Variants in GRID2 observed in about 807,000 individuals in gnomAD.
GRID2 encodes the protein glutamate receptor ionotropic, delta-2.
In GRID2, 33 loss-of-function variants were observed where a neutral mutation model predicts 114.8. The observed-to-expected ratio is 0.29, with a 90% CI of 0.22 to 0.38. The LOEUF is 0.38. Ranked by LOEUF, GRID2 falls within the 10% of genes least tolerant of loss-of-function variation. The pLI, the probability that GRID2 is intolerant of heterozygous loss-of-function variation, is 1.00. For missense variants in GRID2, 1,184 were observed against 1,257.7 expected (o/e 0.94, Z 0.89); for synonymous variants, 505 against 449.9 (o/e 1.12, Z -1.55).
chr4:93,112,408 C>T (rs958792141), intron 4 of GRID2, among the ~76,000 whole-genome samples: 2 of 151,930 alleles, frequency 1.3e-5, no homozygotes, highest in Non-Finnish European at 2.9e-5. Context: ...GGGGCGGTTT[C>T]CCCCATGCTG....
chr4:93,366,072 T>A (rs1189612890), intron 8 of GRID2, among the ~76,000 whole-genome samples: 1 of 152,098 alleles, frequency 6.6e-6, no homozygotes, highest in Non-Finnish European at 1.5e-5. Flanking sequence ...TTGCATTAAC[T>A]GCACAAACTG....
intron 2 of GRID2, among the ~76,000 whole-genome samples, chr4:92,825,050 T>C (rs916073441): frequency 6.6e-6 from 1 of 152,120 alleles, no homozygotes; most frequent in African/African-American, 2.4e-5. Context: ...TAAAATTTTT[T>C]TTAAAAGTAC....
intron 9 of GRID2, among the ~76,000 whole-genome samples, chr4:93,416,137 T>C (rs1346066651): frequency 2.0e-5 from 3 of 152,152 alleles, no homozygotes; most frequent in East Asian, 3.9e-4. Flanking sequence ...GATTGTTTCT[T>C]CCTCTACTGC....
At chr4:93,242,334 T>C (rs538828295) in intron 8 of GRID2, among the ~76,000 whole-genome samples, 1 of 151,858 alleles carries the variant, frequency 6.6e-6, no homozygotes, top group African/African-American at 2.4e-5. Context: ...TTGGCTCACA[T>C]GAGGCTAGAG....
intron 2 of GRID2, among the ~76,000 whole-genome samples, chr4:92,614,339 TC>T (rs1729900726): frequency 6.6e-6 from 1 of 151,614 alleles, no homozygotes; most frequent in African/African-American, 2.4e-5. Context: ...GATATTTTTT[TC>T]TTTTCCAATA....
intron 2 of GRID2, among the ~76,000 whole-genome samples, chr4:92,947,573 A>T (rs540449313): frequency 6.6e-6 from 1 of 152,016 alleles, no homozygotes; most frequent in Admixed American, 6.6e-5. Flanking sequence ...ACTATATCTT[A>T]TGCTTTAACT....
At chr4:92,846,796 A>G (rs1242970808) in intron 2 of GRID2, among the ~76,000 whole-genome samples, 1 of 152,124 alleles carries the variant, frequency 6.6e-6, no homozygotes, top group African/African-American at 2.4e-5. Flanking sequence ...CTTGAAACAA[A>G]GAGAGCTCAT....
chr4:92,590,091 T>C lies in GRID2; in HGVS notation c.89-40T>C, dbSNP rs773057814. 7.8e-6 allele frequency: 11 copies of C among 1,402,428 alleles called. No individual in the cohort carries two copies. In the South Asian group the frequency reaches 8.1e-5, roughly 10 times the overall value. 86.9% of individuals were successfully genotyped at this position (1,402,428 alleles called of 1,614,324 possible). A position where few individuals can be genotyped will look rare whatever the true frequency, so the allele number is the denominator to read the frequency against. ...TATTTCCAGAGGGGATGACAGAATA[T>C]TTATGTTATTATTTAATGGCAAAAT... is the stretch of plus-strand genomic sequence containing the variant. On this transcript the variant is annotated intron_variant, in intron 1 of 15. Coordinates refer to ENST00000282020, the MANE Select transcript of GRID2 (RefSeq NM_001510.4).
chr4:92,384,262 G>A (rs935819312), intron 1 of GRID2, among the ~76,000 whole-genome samples: 2 of 148,516 alleles, frequency 1.3e-5, no homozygotes, highest in African/African-American at 5.0e-5. Context: ...TGCATGGAAG[G>A]GCACTTCAAA....
At chr4:92,628,977 A>G (rs1333653797) in intron 2 of GRID2, among the ~76,000 whole-genome samples, 1 of 151,950 alleles carries the variant, frequency 6.6e-6, no homozygotes, top group Non-Finnish European at 1.5e-5. Flanking sequence ...TGGAGAGGTA[A>G]AAGCAATAAT....
intron 8 of GRID2, among the ~76,000 whole-genome samples, chr4:93,347,904 T>A (rs1353536647): frequency 6.6e-6 from 1 of 152,110 alleles, no homozygotes; most frequent in Admixed American, 6.6e-5. Context: ...ATATCAAAAA[T>A]TTATTATTTG....
intron 2 of GRID2, among the ~76,000 whole-genome samples, chr4:93,042,933 C>G (rs1380870694): frequency 6.6e-6 from 1 of 151,354 alleles, no homozygotes; most frequent in Non-Finnish European, 1.5e-5. Flanking sequence ...TGCAGTAATA[C>G]AGTCATGAGA....
At chr4:93,011,257 G>A (rs1722109378) in intron 2 of GRID2, among the ~76,000 whole-genome samples, 1 of 151,324 alleles carries the variant, frequency 6.6e-6, no homozygotes, top group Non-Finnish European at 1.5e-5. Flanking sequence ...TATAGGTATT[G>A]CCAATGATTT....
intron 2 of GRID2, among the ~76,000 whole-genome samples, chr4:93,019,837 CA>C (rs1382170796): frequency 6.6e-6 from 1 of 152,044 alleles, no homozygotes; most frequent in Non-Finnish European, 1.5e-5. Flanking sequence ...ATGATCGTAT[CA>C]AAGTATCACA....
intron 8 of GRID2, among the ~76,000 whole-genome samples, chr4:93,284,981 A>T (rs1483237870): frequency 2.6e-5 from 4 of 151,974 alleles, no homozygotes; most frequent in African/African-American, 4.8e-5. Flanking sequence ...AACTGGAAAA[A>T]CTGATACATC....
chr4:92,856,144 G>C (rs1329494621), intron 2 of GRID2, among the ~76,000 whole-genome samples: 4 of 151,946 alleles, frequency 2.6e-5, no homozygotes, highest in Non-Finnish European at 5.9e-5. Context: ...AGACAGCTGG[G>C]TCTACAGAGA....
At chr4:93,520,798 A>C (rs1490927428) in intron 13 of GRID2, among the ~76,000 whole-genome samples, 4 of 152,204 alleles carry the variant, frequency 2.6e-5, no homozygotes, top group Non-Finnish European at 5.9e-5. Context: ...CTGATATAAT[A>C]TTCTATGAGT....
At chr4:93,375,854 T>A (rs1233851770) in intron 8 of GRID2, among the ~76,000 whole-genome samples, 1 of 152,142 alleles carries the variant, frequency 6.6e-6, no homozygotes, top group Non-Finnish European at 1.5e-5. Flanking sequence ...ATTATATTAG[T>A]TTGTAGAGGC....
intron 1 of GRID2, among the ~76,000 whole-genome samples, chr4:92,405,253 GAATT>G (rs1196492973): frequency 6.6e-6 from 1 of 152,058 alleles, no homozygotes; most frequent in Non-Finnish European, 1.5e-5. Flanking sequence ...ACAGTTATGA[GAATT>G]AAACATGTTA....
Sources: allele counts gnomAD v4.1 joint callset (sites outside exome capture counted in the v4.1 genomes callset), GRCh38; gene constraint gnomAD v4.1.1; transcripts MANE v1.5; gene names NCBI Gene and HGNC (gene_info 2026-07-23, HGNC 2026-07-21).